Variants in CNTNAP2 observed in about 807,000 individuals in gnomAD.
CNTNAP2 encodes contactin associated protein 2.
In CNTNAP2, 98 loss-of-function variants were observed where a neutral mutation model predicts 155.2. That is an observed-to-expected ratio of 0.63 (90% CI 0.54 to 0.75). The LOEUF is 0.75. Ranked by LOEUF, CNTNAP2 falls within the 30% of genes least tolerant of loss-of-function variation. The pLI, the probability that CNTNAP2 is intolerant of heterozygous loss-of-function variation, is 0.00. For synonymous variants in CNTNAP2, 651 were observed against 631.2 expected, an observed-to-expected ratio of 1.03 and a Z score of -0.47; for missense variants, 1,727 against 1,688.1, an observed-to-expected ratio of 1.02 and a Z score of -0.40.
intron 9 of CNTNAP2, among the ~76,000 whole-genome samples, chr7:147,317,796 G>A (rs868289138): frequency 2.1e-4 from 20 of 97,206 alleles, no homozygotes; most frequent in South Asian, 1.9e-3. Context: ...GTGTGTGTGT[G>A]TGTATATGTA....
chr7:147,974,186 T>C (rs1393892685), intron 14 of CNTNAP2, among the ~76,000 whole-genome samples: 1 of 150,150 alleles, frequency 6.7e-6, no homozygotes, highest in African/African-American at 2.5e-5. Flanking sequence ...TCCTATAAGG[T>C]TATACACATA....
intron 1 of CNTNAP2, among the ~76,000 whole-genome samples, chr7:146,222,452 G>T (rs1462513065): frequency 1.3e-5 from 2 of 151,992 alleles, no homozygotes; most frequent in African/African-American, 4.8e-5. Context: ...GGAATTCCTG[G>T]TAGAGAGGAT....
At chr7:147,496,829 CT>C (rs1034493927) in intron 11 of CNTNAP2, 1 of 151,642 alleles carries the variant, frequency 6.6e-6, no homozygotes, top group African/African-American at 2.4e-5. Flanking sequence ...ATAAACAGAA[CT>C]CTTACTTCAT....
At chr7:148,266,467 G>A (rs1193499166) in intron 20 of CNTNAP2, among the ~76,000 whole-genome samples, 3 of 152,252 alleles carry the variant, frequency 2.0e-5, no homozygotes, top group Non-Finnish European at 2.9e-5. Flanking sequence ...TCTGTGCACC[G>A]TTCCCAACAG....
At chr7:147,783,739 C>T (rs778241243) in intron 13 of CNTNAP2, among the ~76,000 whole-genome samples, 5 of 152,126 alleles carry the variant, frequency 3.3e-5, no homozygotes, top group Non-Finnish European at 5.9e-5. Flanking sequence ...GATTAGTGCC[C>T]TTATAAAAGA....
chr7:146,525,566 A>ATCTC (rs1017602058), intron 1 of CNTNAP2, among the ~76,000 whole-genome samples: 3 of 146,618 alleles, frequency 2.0e-5, no homozygotes, highest in East Asian at 1.9e-4. Context: ...CTATCTATCT[A>ATCTC]TCTATCTATC....
chr7:146,590,366 T>C (rs1798762883), intron 1 of CNTNAP2, among the ~76,000 whole-genome samples: 1 of 152,156 alleles, frequency 6.6e-6, no homozygotes, highest in South Asian at 2.1e-4. Context: ...ATTTTTTTGA[T>C]GAATGTTTAT....
At chr7:148,215,715 T>C (rs1410912297) in intron 18 of CNTNAP2, among the ~76,000 whole-genome samples, 1 of 152,106 alleles carries the variant, frequency 6.6e-6, no homozygotes, top group African/African-American at 2.4e-5. Context: ...GTTTACTTAA[T>C]CCTCACAACC....
At chr7:146,226,780 C>T (rs145921681) in intron 1 of CNTNAP2, among the ~76,000 whole-genome samples, 50 of 152,082 alleles carry the variant, frequency 3.3e-4, no homozygotes, top group African/African-American at 1.2e-3. Flanking sequence ...CAAATGAGAA[C>T]ATAATTATTA....
In CNTNAP2 at chr7:146,968,226, G is replaced by A. The variant is rs201454248; in HGVS notation, c.403-75681G>A. On this transcript the variant is annotated intron_variant, in intron 3 of 23. Transcript: ENST00000361727. The stretch of plus-strand genomic sequence containing the variant: ...ATTCGGTTTGCCAGTATTTTATTGC[G>A]GATTTTTGCATCAATGTTCATCAAG... Among the ~76,000 whole-genome samples the A allele has an allele frequency of 1.1e-4, 17 of 151,944 alleles. No individual in the cohort carries two copies. The East Asian group carries it at 1.3e-3, about 12-fold the overall frequency.
intron 8 of CNTNAP2, among the ~76,000 whole-genome samples, chr7:147,148,346 C>T (rs901615803): frequency 1.4e-5 from 2 of 146,240 alleles, no homozygotes; most frequent in Non-Finnish European, 3.0e-5. Flanking sequence ...GCCGAGATCC[C>T]GCCACTGCAC....
chr7:147,544,490 A>G (rs558444373), intron 11 of CNTNAP2, among the ~76,000 whole-genome samples: 1 of 152,262 alleles, frequency 6.6e-6, no homozygotes, highest in Non-Finnish European at 1.5e-5. Flanking sequence ...GGCAAAAATG[A>G]AAATTGTTAT....
intron 13 of CNTNAP2, among the ~76,000 whole-genome samples, chr7:147,745,265 G>A (rs549943386): frequency 2.0e-5 from 3 of 152,314 alleles, no homozygotes; most frequent in South Asian, 4.1e-4. Context: ...ATAAGATGCT[G>A]TCATTTTCAT....
intron 1 of CNTNAP2, among the ~76,000 whole-genome samples, chr7:146,628,104 A>G (rs906599337): frequency 3.9e-5 from 6 of 152,292 alleles, no homozygotes; most frequent in East Asian, 1.9e-4. Flanking sequence ...TTCATATGGG[A>G]TATCTTTTTC....
chr7:148,280,971 G>A (rs1796964980), intron 21 of CNTNAP2, among the ~76,000 whole-genome samples: 1 of 151,902 alleles, frequency 6.6e-6, no homozygotes, highest in Non-Finnish European at 1.5e-5. Context: ...AGAAGACCAA[G>A]TCCACCTTCT....
chr7:147,121,001 A>G lies in CNTNAP2; in HGVS notation c.777A>G (p.Ile259Met), dbSNP rs1554440667. ...LNLGSNQLGP[I>M]YGHTSVMTGS... The stretch of plus-strand genomic sequence containing the variant: ...CAGGAAGCAACCAGCTTGGCCCCAT[A>G]TATGGCCACACATCAGTGATGACAG... The change falls in exon 6 of 24, where the codon ATA becomes ATG. Residue 259 changes from isoleucine (I) to methionine (M), a missense_variant. Physicochemically the swap from Ile to Met is conservative, Grantham distance 10. Transcript: ENST00000361727. The G allele has an allele frequency of 6.2e-7, 1 of 1,613,768 alleles. No homozygotes were observed. The highest frequency in any genetic ancestry group is 8.5e-7 in the Non-Finnish European group (1 of 1,179,964).
At chr7:147,840,212 A>G (rs1285166167) in intron 13 of CNTNAP2, among the ~76,000 whole-genome samples, 2 of 152,112 alleles carry the variant, frequency 1.3e-5, no homozygotes, top group Non-Finnish European at 2.9e-5. Context: ...AATGGGTACA[A>G]TGTACACTAT....
intron 13 of CNTNAP2, among the ~76,000 whole-genome samples, chr7:147,785,626 C>A (rs1438827892): frequency 6.6e-6 from 1 of 152,206 alleles, no homozygotes; most frequent in East Asian, 1.9e-4. Context: ...AGTGTAATAA[C>A]AATGACATAT....
At chr7:146,201,749 C>T (rs965414526) in intron 1 of CNTNAP2, among the ~76,000 whole-genome samples, 22 of 151,612 alleles carry the variant, frequency 1.5e-4, no homozygotes, top group African/African-American at 5.3e-4. Flanking sequence ...TGTTTGGAAT[C>T]ATACATAATT....
Sources: allele counts gnomAD v4.1 joint callset (sites outside exome capture counted in the v4.1 genomes callset), GRCh38; gene constraint gnomAD v4.1.1; transcripts MANE v1.5; gene names NCBI Gene and HGNC (gene_info 2026-07-23, HGNC 2026-07-21).